HMGCLL1: variants seen among roughly 807,000 people sequenced by gnomAD.
HMGCLL1 encodes 3-hydroxymethyl-3-methylglutaryl-CoA lyase, cytoplasmic.
Under a neutral mutation model 39.1 loss-of-function variants are expected in HMGCLL1, and 36 were observed. That is an observed-to-expected ratio of 0.92 (90% CI 0.71 to 1.22). The LOEUF is 1.22. Among genes scored for constraint, HMGCLL1 ranks in the 50% most tolerant of loss-of-function variants. The pLI is 0.00. For synonymous variants in HMGCLL1, 149 were observed against 144.0 expected, an observed-to-expected ratio of 1.03 and a Z score of -0.25; for missense variants, 451 against 416.5, an observed-to-expected ratio of 1.08 and a Z score of -0.72.
chr6:55,653,206 C>A, the HMGCLL1 span, among the ~76,000 whole-genome samples: 2 of 151,768 alleles, frequency 1.3e-5, no homozygotes, highest in Admixed American at 6.6e-5. Context: ...TCTTTTATGG[C>A]AAGAAAAAAA....
chr6:55,569,513 C>T (rs1052738186), intron 1 of HMGCLL1, among the ~76,000 whole-genome samples: 2 of 152,152 alleles, frequency 1.3e-5, no homozygotes, highest in African/African-American at 2.4e-5. Context: ...AGAACTAGAA[C>T]TGCTTGAGTT....
the HMGCLL1 span, among the ~76,000 whole-genome samples, chr6:55,665,512 A>G: frequency 6.6e-6 from 1 of 151,730 alleles, no homozygotes; most frequent in Non-Finnish European, 1.5e-5. Flanking sequence ...AGAGATTCCA[A>G]TGCTGAAACA....
chr6:55,673,379 T>C, the HMGCLL1 span, among the ~76,000 whole-genome samples: 2 of 151,920 alleles, frequency 1.3e-5, no homozygotes, highest in Non-Finnish European at 2.9e-5. Context: ...ATGGTGATCA[T>C]GCTCTCCCTG....
At chr6:55,596,314 T>C in the HMGCLL1 span, among the ~76,000 whole-genome samples, 1 of 152,110 alleles carries the variant, frequency 6.6e-6, no homozygotes, top group Admixed American at 6.6e-5. Flanking sequence ...GTGACAGCAG[T>C]GAAACCCTGT....
chr6:55,579,145 G>C lies in HMGCLL1; in HGVS notation c.-90C>G. The C allele has an allele frequency of 2.1e-6, 2 of 972,656 alleles. No individual in the cohort carries two copies. Among genetic ancestry groups the C allele is most frequent in the South Asian group, 1.4e-5 (1 of 72,372 alleles). The allele number at this position is 972,656 out of a possible 1,614,324, so 60.3% of individuals were successfully genotyped here. On this transcript the variant is annotated 5_prime_UTR_variant, in exon 1 of 9. Transcript: ENST00000274901. ...GCGCTGGGAAACTGCGCCAGCTCGGGAGCGCGCCCCTCCGGTGCACTGGCT... is the reference window on the plus strand; with the variant it reads ...GCGCTGGGAAACTGCGCCAGCTCGGCAGCGCGCCCCTCCGGTGCACTGGCT...
chr6:55,651,977 G>C, the HMGCLL1 span, among the ~76,000 whole-genome samples: 12 of 152,070 alleles, frequency 7.9e-5, no homozygotes, highest in Non-Finnish European at 1.0e-4. Flanking sequence ...TGAAGGAGGG[G>C]TGGTATTGTT....
intron 5 of HMGCLL1, chr6:55,512,300 A>G (rs1211673311): frequency 6.6e-6 from 1 of 152,108 alleles, no homozygotes; most frequent in African/African-American, 2.4e-5. Context: ...CTTATACTCC[A>G]CACTTTAAAC....
chr6:55,555,963 A>T (rs1770639856), intron 1 of HMGCLL1, among the ~76,000 whole-genome samples: 2 of 152,110 alleles, frequency 1.3e-5, no homozygotes, highest in African/African-American at 4.8e-5. Flanking sequence ...TTCCATTGGT[A>T]TTACTGGCCA....
chr6:55,477,421 T>TTATATA (rs1561905417), intron 7 of HMGCLL1, among the ~76,000 whole-genome samples: 11 of 26,108 alleles, frequency 4.2e-4, no homozygotes, highest in African/African-American at 1.0e-3. Flanking sequence ...ATATATTATC[T>TTATATA]TAATATATAT....
chr6:55,531,594 T>C (rs908471502), intron 3 of HMGCLL1, among the ~76,000 whole-genome samples: 1 of 152,106 alleles, frequency 6.6e-6, no homozygotes, highest in African/African-American at 2.4e-5. Flanking sequence ...AAAGCAGTGG[T>C]ACCCAACCCC....
chr6:55,620,652 C>G, the HMGCLL1 span, among the ~76,000 whole-genome samples: 2 of 145,522 alleles, frequency 1.4e-5, no homozygotes, highest in African/African-American at 4.9e-5. Flanking sequence ...CACAGACACA[C>G]AGACACACAC....
chr6:55,613,506 G>A, the HMGCLL1 span, among the ~76,000 whole-genome samples: 1 of 152,224 alleles, frequency 6.6e-6, no homozygotes, highest in East Asian at 1.9e-4. Context: ...TATGTTTATT[G>A]CAGCACTATT....
At chr6:55,576,595 G>C (rs756639556) in intron 1 of HMGCLL1, among the ~76,000 whole-genome samples, 26 of 152,192 alleles carry the variant, frequency 1.7e-4, no homozygotes, top group Non-Finnish European at 3.4e-4. Context: ...TTCCTGGAAA[G>C]TAAGAAGACT....
At chr6:55,439,318 A>G in intron 8 of HMGCLL1, 116 bp downstream of exon 8, 1 of 1,022,110 alleles carries the variant, frequency 9.8e-7, no homozygotes. Context: ...GCATTTTAGC[A>G]AATAGCAAAA....
chr6:55,486,851 G>A (rs895445458), intron 7 of HMGCLL1, among the ~76,000 whole-genome samples: 11 of 152,086 alleles, frequency 7.2e-5, no homozygotes, highest in South Asian at 4.1e-4. Flanking sequence ...GGAAGTCCAC[G>A]ATAAAAGTGC....
At chr6:55,454,807 G>A (rs1361872468) in intron 7 of HMGCLL1, among the ~76,000 whole-genome samples, 2 of 152,230 alleles carry the variant, frequency 1.3e-5, no homozygotes, top group Non-Finnish European at 2.9e-5. Context: ...CTGTTTTAAA[G>A]GAGAAGTGGC....
intron 7 of HMGCLL1, among the ~76,000 whole-genome samples, chr6:55,485,471 A>G (rs1765975749): frequency 6.6e-6 from 1 of 150,984 alleles, no homozygotes; most frequent in Non-Finnish European, 1.5e-5. Flanking sequence ...TAAATTAATA[A>G]ATATAAATGT....
the HMGCLL1 span, among the ~76,000 whole-genome samples, chr6:55,612,629 AC>A: frequency 6.6e-6 from 1 of 152,060 alleles, no homozygotes; most frequent in Non-Finnish European, 1.5e-5. Flanking sequence ...CAGAATAGAG[AC>A]CTCAGAAATA....
intron 1 of HMGCLL1, among the ~76,000 whole-genome samples, chr6:55,557,530 T>G (rs777665281): frequency 2.6e-5 from 4 of 152,108 alleles, no homozygotes; most frequent in Non-Finnish European, 5.9e-5. Flanking sequence ...TGTATTTTGT[T>G]TCTTTAGGGC....
Sources: allele counts gnomAD v4.1 joint callset (sites outside exome capture counted in the v4.1 genomes callset), GRCh38; gene constraint gnomAD v4.1.1; transcripts MANE v1.5; gene names NCBI Gene and HGNC (gene_info 2026-07-23, HGNC 2026-07-21).